The following DNAH2 variants were observed in gnomAD, a reference collection of about 807,000 sequenced individuals.
DNAH2 encodes dynein axonemal heavy chain 2.
In DNAH2, 323 loss-of-function variants were observed where a neutral mutation model predicts 523.5. The ratio of observed to expected loss-of-function variants is 0.62; its 90% confidence interval spans 0.56 to 0.68. The LOEUF (loss-of-function observed/expected upper bound fraction) is 0.68, where lower values mean the gene tolerates loss of function less well. Ranked by LOEUF, DNAH2 falls within the 30% of genes least tolerant of loss-of-function variation. DNAH2 has a pLI of 0.00. For synonymous variants in DNAH2, 2,093 were observed against 2,177.4 expected, an observed-to-expected ratio of 0.96 and a Z score of 1.08; for missense variants, 4,907 against 5,701.5, an observed-to-expected ratio of 0.86 and a Z score of 4.49.
Position 7,807,020 on chromosome 17 carries a change from G to A in DNAH2, c.9443-130G>A. The A allele has an allele frequency of 1.8e-6, 2 of 1,084,234 alleles. No individual in the cohort carries two copies. Among genetic ancestry groups the A allele is most frequent in the Non-Finnish European group, 2.7e-6 (2 of 749,580 alleles). 67.2% of individuals were successfully genotyped at this position (1,084,234 alleles called of 1,614,324 possible). A position where few individuals can be genotyped will look rare whatever the true frequency, so the allele number is the denominator to read the frequency against. On this transcript the variant is annotated intron_variant, in intron 61 of 85. Transcript: ENST00000572933. The surrounding 1 kb of genome is among the most constrained non-coding windows in gnomAD (Gnocchi z 5.6). ...GTCAGAGGGAGGAACTAGGGGCCAG[G>A]TCAGATAATTTGGCCTTAGGAACTG... is the stretch of plus-strand genomic sequence containing the variant.
intron 72 of DNAH2, among the ~76,000 whole-genome samples, chr17:7,820,638 C>T (rs149372634): frequency 3.5e-4 from 54 of 152,298 alleles, no homozygotes; most frequent in Non-Finnish European, 5.1e-4. Flanking sequence ...CTGTCCTCTC[C>T]GAGACTGTGG....
Position 7,743,037 on chromosome 17 carries a change from A to G in DNAH2, c.1799A>G (p.Gln600Arg). ...AIDELVRKTF[Q>R]EWTSSLDKDC... Reference sequence around the variant, plus strand: ...GATGAGCTGGTTCGAAAAACCTTCCAAGAGTGGACATCAAGTCTGGACAAG... The same window carrying G: ...GATGAGCTGGTTCGAAAAACCTTCCGAGAGTGGACATCAAGTCTGGACAAG... Residue 600 changes from glutamine (Q) to arginine (R), a missense_variant, in exon 12 of 86, where the codon CAA becomes CGA. Physicochemically the swap from Gln to Arg is conservative, Grantham distance 43 (BLOSUM62 1). Around this residue, in one of 3 missense-constraint regions of DNAH2, gnomAD observed 2,806 missense variants for 3,190.8 expected, o/e 0.88. Transcript: ENST00000572933. 6.6e-7 allele frequency: 1 copy of G among 1,526,584 alleles called. No individual in the cohort carries two copies. The highest frequency in any genetic ancestry group is 8.8e-7 in the Non-Finnish European group (1 of 1,141,482). 94.6% of individuals were successfully genotyped at this position (1,526,584 alleles called of 1,614,324 possible). A position where few individuals can be genotyped will look rare whatever the true frequency, so the allele number is the denominator to read the frequency against.
In DNAH2 at chr17:7,719,805, G is replaced by A. The variant is rs937116671; in HGVS notation, c.71G>A (p.Arg24Gln). Residue 24 changes from arginine to glutamine, a missense_variant, in exon 2 of 86, where the codon CGG (arginine) becomes CAG (glutamine). Around this residue, in one of 3 missense-constraint regions of DNAH2, gnomAD observed 2,806 missense variants for 3,190.8 expected, o/e 0.88. Coordinates refer to ENST00000572933, the MANE Select transcript of DNAH2 (RefSeq NM_020877.5). ...AGCTCCCAGGCAAGCTGGTCAGGGC[G>A]GGCCACTCGGGCTGCTGTGGCCACA... Reference protein sequence around the residue: ...RGSSQASWSGRATRAAVATQE... With the variant: ...RGSSQASWSGQATRAAVATQE... 8 of 1,613,388 alleles carry A rather than the reference G, an allele frequency of 5.0e-6. No individual in the cohort carries two copies. In the African/African-American group the frequency reaches 5.3e-5, roughly 11 times the overall value.
intron 56 of DNAH2, among the ~76,000 whole-genome samples, chr17:7,800,632 C>T (rs942121440): frequency 1.3e-4 from 19 of 150,210 alleles, no homozygotes; most frequent in East Asian, 4.3e-4. Flanking sequence ...TTTGGGAGGC[C>T]GAGGCAGGTG....
At position 7,824,658 on chromosome 17, in the gene DNAH2, C is replaced by T. The variant is rs967506403; in HGVS notation, c.11784C>T (p.Ser3928=). The change falls in exon 77 of 86, where the codon TCC becomes TCT. Residue 3928 remains serine, a synonymous_variant. Transcript: ENST00000572933. ...PHPSFRLWLS[S]IPHPDFPISI... is the part of the protein sequence containing the mutation. Reference sequence around the variant, plus strand: ...CATCCTTCCGCCTCTGGCTCAGCTCCATCCCCCACCCAGACTTCCCTATCT... The same window carrying T: ...CATCCTTCCGCCTCTGGCTCAGCTCTATCCCCCACCCAGACTTCCCTATCT... 9.3e-6 allele frequency: 15 copies of T among 1,608,244 alleles called. No homozygotes were observed. The highest frequency in any genetic ancestry group is 1.3e-5 in the Non-Finnish European group (15 of 1,176,178).
chr17:7,776,020 C>T lies in DNAH2; in HGVS notation c.4822-4C>T, dbSNP rs2076442488. 1.2e-6 allele frequency: 2 copies of T among 1,613,736 alleles called. No homozygotes were observed. Among genetic ancestry groups the T allele is most frequent in the Non-Finnish European group, 8.5e-7 (1 of 1,179,718 alleles). ...AGCTGCCCTATTCTCCCACCTCCCC[C>T]CAGTCCTGGCTTGGCGATGTGGAAC... On this transcript the variant is annotated splice_polypyrimidine_tract_variant and splice_region_variant and intron_variant, in intron 30 of 85. Transcript: ENST00000572933.
chr17:7,760,717 G>T lies in DNAH2; in HGVS notation c.2786-23G>T. 3 of 1,601,960 alleles carry T rather than the reference G, an allele frequency of 1.9e-6. No homozygotes were observed. Among genetic ancestry groups the T allele is most frequent in the Non-Finnish European group, 2.6e-6 (3 of 1,172,164 alleles). ...GGGTTGGGGTGGAAGTCAGTGAGAA[G>T]CATCTTTCTTGGTCCTTTGAAGAGC... On this transcript the variant is annotated intron_variant, in intron 17 of 85. Coordinates refer to ENST00000572933, the MANE Select transcript of DNAH2 (RefSeq NM_020877.5). The surrounding 1 kb of genome is among the most constrained non-coding windows in gnomAD (Gnocchi z 4.0).
chr17:7,766,179 G>A (rs966844888), intron 21 of DNAH2, 139 bp from the exon 22 acceptor site: 40 of 837,816 alleles, frequency 4.8e-5, no homozygotes, highest in Non-Finnish European at 6.2e-5. Flanking sequence ...TTCTTTCAAC[G>A]CGTTCCCTCT....
chr17:7,775,705 G>GAAA (rs34099534), intron 30 of DNAH2, among the ~76,000 whole-genome samples: 49 of 123,018 alleles, frequency 4.0e-4, no homozygotes, highest in African/African-American at 1.5e-3. Context: ...AAAAAAAAAA[G>GAAA]AAAAAAAAAA....
chr17:7,816,750 A>G lies in DNAH2; in HGVS notation c.9894+15A>G, dbSNP rs1041509058. The G allele has an allele frequency of 3.7e-6, 6 of 1,612,058 alleles. No homozygotes were observed. The highest frequency in any genetic ancestry group is 1.7e-5 in the Admixed American group (1 of 59,956). ...AGACAGTCCAGGTGAGATCAGCTGT[A>G]CTACCTGGTGTCCTTTCACTCTGCT... On this transcript the variant is annotated intron_variant, in intron 64 of 85. Transcript: ENST00000572933.
chr17:7,795,579 T>C (rs1021880481), intron 49 of DNAH2, among the ~76,000 whole-genome samples: 1 of 146,856 alleles, frequency 6.8e-6, no homozygotes, highest in African/African-American at 2.5e-5. Flanking sequence ...GAGGCTGAGG[T>C]GGGAGGATTG....
rs751059766 is a variant in DNAH2, at chr17:7,759,484, C to A, written c.2511C>A (p.Arg837=). 8 of 1,614,154 alleles carry A rather than the reference C, an allele frequency of 5.0e-6. No individual in the cohort carries two copies. The Admixed American group carries it at 1.3e-4, about 27-fold the overall frequency. The change falls in exon 16 of 86, where the codon CGC becomes CGA. Residue 837 remains arginine (R), a synonymous_variant. Coordinates refer to ENST00000572933, the MANE Select transcript of DNAH2 (RefSeq NM_020877.5). ...ACCGCATGATGGAGGATGCCCTGCG[C>A]CTGAATGTGAAGTGGTCACTGCTAG... ...RLDRMMEDAL[R]LNVKWSLLEL... is the part of the protein sequence containing the mutation.
At chr17:7,820,149 T>A (rs941514655) in intron 72 of DNAH2, among the ~76,000 whole-genome samples, 1 of 152,058 alleles carries the variant, frequency 6.6e-6, no homozygotes, top group Non-Finnish European at 1.5e-5. Context: ...TTCAAAGCAG[T>A]CACCAGGTTT....
chr17:7,808,671 G>A (rs558123959), intron 63 of DNAH2, among the ~76,000 whole-genome samples: 4 of 152,162 alleles, frequency 2.6e-5, no homozygotes, highest in African/African-American at 7.2e-5. Context: ...GTGCAGTGGC[G>A]CAATCTCAGC....
chr17:7,788,152 G>A lies in DNAH2; in HGVS notation c.6808G>A (p.Asp2270Asn). ...LINKMLAFKK[D>N]NCKELVPLPE... is the part of the protein sequence containing the mutation. ...CAACAAGATGCTGGCCTTTAAGAAGGACAACTGCAAGGAGCTGGTGCCCCT... is the reference window on the plus strand; with the variant it reads ...CAACAAGATGCTGGCCTTTAAGAAGAACAACTGCAAGGAGCTGGTGCCCCT... The change falls in exon 44 of 86, where the codon GAC becomes AAC. Residue 2270 changes from aspartate to asparagine, a missense_variant. This residue lies in a region of DNAH2 where 2,806 missense variants were observed against 3,190.8 expected (regional missense o/e 0.88). Transcript: ENST00000572933. 1 of 1,614,196 alleles carries A rather than the reference G, an allele frequency of 6.2e-7. No individual in the cohort carries two copies. The highest frequency in any genetic ancestry group is 1.1e-5 in the South Asian group (1 of 91,068).
intron 14 of DNAH2, 51 bp downstream of exon 14, chr17:7,758,702 T>C (rs1285562699): frequency 1.9e-6 from 3 of 1,582,940 alleles, no homozygotes; most frequent in African/African-American, 2.7e-5. Flanking sequence ...ATGGGTCATT[T>C]ATACCTGAGT....
chr17:7,804,273 G>C lies in DNAH2; in HGVS notation c.8990G>C (p.Arg2997Pro). The change falls in exon 59 of 86, where the codon CGG becomes CCG. Residue 2997 changes from arginine to proline, a missense_variant. By Grantham distance (103) the Arg-to-Pro change is moderately radical. Around this residue, in one of 3 missense-constraint regions of DNAH2, gnomAD observed 1,851 missense variants for 2,139.4 expected, o/e 0.87. Coordinates refer to ENST00000572933, the MANE Select transcript of DNAH2 (RefSeq NM_020877.5). ...SGYKKLLGEK[R>P]QELLAQANKL... is the part of the protein sequence containing the mutation. Reference sequence around the variant, plus strand: ...TCCCCCAGGTTGCTGGGAGAAAAACGGCAGGAGCTGCTGGCCCAAGCCAAT... The same window carrying C: ...TCCCCCAGGTTGCTGGGAGAAAAACCGCAGGAGCTGCTGGCCCAAGCCAAT... 1 of 1,614,058 alleles carries C rather than the reference G, an allele frequency of 6.2e-7. No homozygotes were observed. Among genetic ancestry groups the C allele is most frequent in the South Asian group, 1.1e-5 (1 of 91,060 alleles).
rs1178457489 is a variant in DNAH2 at position 7,830,441 on chromosome 17, C to T, written c.11995C>T (p.Leu3999=). 1 of 1,614,232 alleles carries T rather than the reference C, an allele frequency of 6.2e-7. No individual in the cohort carries two copies. The highest frequency in any genetic ancestry group is 2.2e-5 in the East Asian group (1 of 44,890). Residue 3999 remains leucine, a synonymous_variant, in exon 78 of 86, where the codon CTG becomes TTG. Coordinates refer to ENST00000572933, the MANE Select transcript of DNAH2 (RefSeq NM_020877.5). ...HSVLLERKKF[L]QLGWNIIYGF... ...TGTGTTACTTGAACGCAAAAAGTTCCTGCAGCTTGGCTGGAACATCATCTA... is the reference window on the plus strand; with the variant it reads ...TGTGTTACTTGAACGCAAAAAGTTCTTGCAGCTTGGCTGGAACATCATCTA...
chr17:7,722,569 C>T (rs1381634180), intron 2 of DNAH2, among the ~76,000 whole-genome samples: 5 of 152,094 alleles, frequency 3.3e-5, no homozygotes, highest in African/African-American at 7.2e-5. Flanking sequence ...CCCCTTCCCC[C>T]GCAGATCCCA....
Sources: allele counts gnomAD v4.1 joint callset (sites outside exome capture counted in the v4.1 genomes callset), GRCh38; gene constraint gnomAD v4.1.1; regional missense constraint gnomAD v4.1.1; non-coding constraint Gnocchi (gnomAD v3.1); transcripts MANE v1.5; gene names NCBI Gene and HGNC (gene_info 2026-07-23, HGNC 2026-07-21).